The following TFCP2 variants were observed in gnomAD, a reference collection of about 807,000 sequenced individuals.
TFCP2 encodes the protein alpha-globin transcription factor CP2.
Under a neutral mutation model 73.4 loss-of-function variants are expected in TFCP2, and 33 were observed. That is an observed-to-expected ratio of 0.45 (90% CI 0.34 to 0.60). The LOEUF is 0.60. Ranked by LOEUF, TFCP2 falls within the 20% of genes least tolerant of loss-of-function variation. The probability of loss-of-function intolerance (pLI) is 0.01; values close to 1 mark genes in which losing one functional copy is unlikely to be tolerated. For synonymous variants in TFCP2, 193 were observed against 211.6 expected, an observed-to-expected ratio of 0.91 and a Z score of 0.76; for missense variants, 352 against 604.0, an observed-to-expected ratio of 0.58 and a Z score of 4.37.
At chr12:51,169,330 A>C (rs1941813324) in intron 1 of TFCP2, among the ~76,000 whole-genome samples, 1 of 151,718 alleles carries the variant, frequency 6.6e-6, no homozygotes, top group Non-Finnish European at 1.5e-5. Flanking sequence ...GTGAAACCCC[A>C]TCTCTACTAA....
intron 1 of TFCP2, among the ~76,000 whole-genome samples, chr12:51,131,677 T>A (rs1940947497): frequency 6.6e-6 from 1 of 152,130 alleles, no homozygotes; most frequent in Admixed American, 6.6e-5. Context: ...TTAAAAATAA[T>A]TTTTTTCACT....
At chr12:51,144,849 G>A (rs1941259763) in intron 1 of TFCP2, among the ~76,000 whole-genome samples, 1 of 152,030 alleles carries the variant, frequency 6.6e-6, no homozygotes, top group African/African-American at 2.4e-5. Flanking sequence ...ATCACTTGAG[G>A]TCAAGGGTTT....
chr12:51,118,561 C>CA (rs1332694445), intron 2 of TFCP2, 60 bp downstream of exon 2: 4 of 1,572,586 alleles, frequency 2.5e-6, no homozygotes, highest in East Asian at 2.3e-5. Flanking sequence ...AACAAACAAA[C>CA]AAAAAAATCA....
intron 1 of TFCP2, chr12:51,124,740 G>C (rs1050843171): frequency 8.2e-6 from 6 of 727,742 alleles, no homozygotes; most frequent in Non-Finnish European, 5.0e-6. Context: ...GCCCTCAGCA[G>C]AGATCACGGC....
intron 1 of TFCP2, among the ~76,000 whole-genome samples, chr12:51,146,633 CT>C (rs1941304762): frequency 6.6e-6 from 1 of 152,146 alleles, no homozygotes; most frequent in African/African-American, 2.4e-5. Flanking sequence ...ATACAGCAAG[CT>C]CATAATCCAA....
At chr12:51,149,617 C>T (rs1334513121) in intron 1 of TFCP2, among the ~76,000 whole-genome samples, 3 of 150,964 alleles carry the variant, frequency 2.0e-5, no homozygotes, top group Non-Finnish European at 4.4e-5. Context: ...TCTTTTTTTT[C>T]GAGATGGAGG....
intron 1 of TFCP2, among the ~76,000 whole-genome samples, chr12:51,170,891 G>A (rs1226963235): frequency 6.6e-6 from 1 of 151,980 alleles, no homozygotes; most frequent in East Asian, 1.9e-4. Context: ...TGTTGGCCAG[G>A]CTGTTCTCGA....
At chr12:51,147,110 A>G (rs1941312853) in intron 1 of TFCP2, among the ~76,000 whole-genome samples, 1 of 152,218 alleles carries the variant, frequency 6.6e-6, no homozygotes, top group South Asian at 2.1e-4. Flanking sequence ...TGGGAGCCCA[A>G]AGCAGGCAGA....
chr12:51,117,807 A>C, intron 2 of TFCP2, 60 bp from the exon 3 acceptor site: 1 of 1,206,190 alleles, frequency 8.3e-7, no homozygotes. Context: ...TAGATTCGGA[A>C]AGAATAAAAT....
intron 1 of TFCP2, among the ~76,000 whole-genome samples, chr12:51,151,997 G>C (rs556368579): frequency 1.2e-4 from 18 of 152,126 alleles, no homozygotes; most frequent in Admixed American, 1.2e-3. Flanking sequence ...AACTGATTAG[G>C]GCAAGAATCA....
intron 11 of TFCP2, among the ~76,000 whole-genome samples, 199 bp from the exon 12 acceptor site, chr12:51,099,978 C>T (rs1278666927): frequency 6.6e-6 from 1 of 151,988 alleles, no homozygotes; most frequent in Non-Finnish European, 1.5e-5. Flanking sequence ...GAATTAGTTC[C>T]AATATGAGAC....
At position 51,109,217 on chromosome 12, in the gene TFCP2, C is replaced by T. The variant is rs1940333421; in HGVS notation, c.621G>A (p.Val207=). 6.2e-7 allele frequency: 1 copy of T among 1,614,060 alleles called. No homozygotes were observed. Among genetic ancestry groups the T allele is most frequent in the Non-Finnish European group, 8.5e-7 (1 of 1,180,040 alleles). Residue 207 remains valine, a synonymous_variant, in exon 6 of 15, where the codon GTG becomes GTA. Coordinates refer to ENST00000257915, the MANE Select transcript of TFCP2 (RefSeq NM_005653.5). The stretch of plus-strand genomic sequence containing the variant: ...AGGTATCTATTTGTACTCGGAATGG[C>T]ACCCCCTTTTCTCCACCATGTTTCC... ...TMRKHGGEKG[V]PFRVQIDTFK... is the part of the protein sequence containing the mutation.
intron 1 of TFCP2, among the ~76,000 whole-genome samples, chr12:51,170,749 T>C (rs918167595): frequency 6.6e-6 from 1 of 151,992 alleles, no homozygotes; most frequent in African/African-American, 2.4e-5. Flanking sequence ...ATGCGATCTC[T>C]GCTCACTGCA....
chr12:51,098,903 T>C lies in TFCP2; in HGVS notation c.1292A>G (p.Tyr431Cys), dbSNP rs1256549590. Residue 431 changes from tyrosine to cysteine, a missense_variant, in exon 13 of 15, where the codon TAT (tyrosine) becomes TGT (cysteine). Physicochemically the swap from Tyr to Cys is radical, Grantham distance 194. Transcript: ENST00000257915. ...TTCAACAGCTGTTAGTTCTTCTAGATAGATAGCATGGTAAACTGCAAAAGG... is the reference window on the plus strand; with the variant it reads ...TTCAACAGCTGTTAGTTCTTCTAGACAGATAGCATGGTAAACTGCAAAAGG... ...NGTFFVYHAI[Y>C]LEELTAVELT... is the part of the protein sequence containing the mutation. 8 of 1,613,988 alleles carry C rather than the reference T, an allele frequency of 5.0e-6. No individual in the cohort carries two copies. Among genetic ancestry groups the C allele is most frequent in the African/African-American group, 4.0e-5 (3 of 74,904 alleles).
At chr12:51,157,206 G>C (rs1206118998) in intron 1 of TFCP2, among the ~76,000 whole-genome samples, 4 of 151,918 alleles carry the variant, frequency 2.6e-5, no homozygotes, top group Non-Finnish European at 5.9e-5. Flanking sequence ...ATTTTTAGTG[G>C]AGACGGGGTT....
chr12:51,146,225 C>T (rs1941296283), intron 1 of TFCP2, among the ~76,000 whole-genome samples: 1 of 151,444 alleles, frequency 6.6e-6, no homozygotes, highest in Non-Finnish European at 1.5e-5. Flanking sequence ...GGAGGACTGC[C>T]TGAGCCCAGT....
At chr12:51,099,373 TA>T (rs1395109943) in intron 12 of TFCP2, among the ~76,000 whole-genome samples, 1 of 151,490 alleles carries the variant, frequency 6.6e-6, no homozygotes, top group Non-Finnish European at 1.5e-5. Flanking sequence ...AGCTACTCGG[TA>T]GGCTGAGGGG....
intron 10 of TFCP2, 63 bp downstream of exon 10, chr12:51,103,607 G>A: frequency 2.4e-6 from 3 of 1,244,062 alleles, no homozygotes; most frequent in Non-Finnish European, 3.5e-6. Context: ...TGGATACCAG[G>A]AGGCCCTAGA....
chr12:51,131,068 G>T (rs1312263151), intron 1 of TFCP2, among the ~76,000 whole-genome samples: 1 of 151,504 alleles, frequency 6.6e-6, no homozygotes, highest in African/African-American at 2.4e-5. Flanking sequence ...GGTGGCTCAC[G>T]CCTGTAATCC....
Sources: gnomAD v4.1 joint callset for allele counts (sites outside exome capture counted in the v4.1 genomes callset) on GRCh38, gnomAD v4.1.1 for gene constraint, MANE v1.5 for transcripts, NCBI Gene and HGNC (gene_info 2026-07-23, HGNC 2026-07-21) for gene names.